The following CACNA1C variants were observed in gnomAD, a reference collection of about 807,000 sequenced individuals.
The protein encoded by CACNA1C is calcium voltage-gated channel subunit alpha1 C, also known as voltage-dependent L-type calcium channel subunit alpha-1C.
Under a neutral mutation model 229.0 loss-of-function variants are expected in CACNA1C, and 30 were observed. That is an observed-to-expected ratio of 0.13 (90% CI 0.10 to 0.18). CACNA1C has a LOEUF of 0.18. CACNA1C is among the 10% of genes least tolerant of loss of function. CACNA1C has a pLI of 1.00. For missense variants in CACNA1C, 1,658 were observed against 2,845.0 expected (o/e 0.58, Z 9.49); for synonymous variants, 1,114 against 1,132.5 (o/e 0.98, Z 0.33).
rs931603510 is a variant in CACNA1C at position 2,152,294 on chromosome 12, A to G, written c.477+31864A>G. On this transcript the variant is annotated intron_variant, in intron 3 of 46. Coordinates refer to ENST00000399655, the MANE Select transcript of CACNA1C (RefSeq NM_000719.7). This position sits in a 1 kb window ranked among gnomAD's most constrained non-coding sequence, Gnocchi z 4.2. The stretch of plus-strand genomic sequence containing the variant: ...GGCACATGACTGCTTAGAATGAAGA[A>G]CTACAGTTCTCATCCTCCCTTGTGG... Among the ~76,000 whole-genome samples the G allele has an allele frequency of 5.3e-5, 8 of 152,226 alleles. No individual in the cohort carries two copies. Among genetic ancestry groups the G allele is most frequent in the Non-Finnish European group, 1.0e-4 (7 of 68,038 alleles).
intron 3 of CACNA1C, among the ~76,000 whole-genome samples, chr12:2,349,181 G>A (rs1567177848): frequency 6.6e-6 from 1 of 152,208 alleles, no homozygotes; most frequent in Non-Finnish European, 1.5e-5. Flanking sequence ...CTAATAGCAT[G>A]TTCCCATGGA....
At chr12:1,974,685 C>A (rs564748506) in intron 1 of CACNA1C, among the ~76,000 whole-genome samples, 1 of 152,162 alleles carries the variant, frequency 6.6e-6, no homozygotes, top group South Asian at 2.1e-4. Context: ...ATATTCTAGT[C>A]GCGTTTGATA....
intron 5 of CACNA1C, among the ~76,000 whole-genome samples, chr12:2,463,794 T>G (rs966132397): frequency 6.6e-6 from 1 of 152,184 alleles, no homozygotes; most frequent in Non-Finnish European, 1.5e-5. Flanking sequence ...TTGAAAGATT[T>G]GGCCATTTGG....
intron 3 of CACNA1C, among the ~76,000 whole-genome samples, chr12:2,205,753 A>G (rs2097738104): frequency 6.6e-6 from 1 of 152,158 alleles, no homozygotes. Context: ...GGGGGACTAC[A>G]AAGACGGAAA....
chr12:2,038,290 C>T (rs73601563), intron 1 of CACNA1C, among the ~76,000 whole-genome samples: 7 of 152,036 alleles, frequency 4.6e-5, no homozygotes, highest in East Asian at 1.9e-4. Flanking sequence ...TCATAGAATT[C>T]GAGTCACGGT....
At chr12:2,066,755 G>A (rs1384233138) in intron 1 of CACNA1C, among the ~76,000 whole-genome samples, 1 of 152,128 alleles carries the variant, frequency 6.6e-6, no homozygotes, top group Non-Finnish European at 1.5e-5. Flanking sequence ...GGGGATGGGA[G>A]TGGAAGGCTC....
chr12:2,242,263 G>C (rs908246861), intron 3 of CACNA1C, among the ~76,000 whole-genome samples: 1 of 152,206 alleles, frequency 6.6e-6, no homozygotes, highest in South Asian at 2.1e-4. Flanking sequence ...ACAGGTGCAG[G>C]AGGAGTCTTC....
chr12:2,277,255 C>T (rs998873525), intron 3 of CACNA1C, among the ~76,000 whole-genome samples: 1 of 151,980 alleles, frequency 6.6e-6, no homozygotes. Context: ...CTGTCATTAA[C>T]AATTACTTCT....
At chr12:2,059,056 C>A (rs541766526) in intron 1 of CACNA1C, among the ~76,000 whole-genome samples, 1 of 152,148 alleles carries the variant, frequency 6.6e-6, no homozygotes, top group South Asian at 2.1e-4. Flanking sequence ...TCTACTGCCC[C>A]CTTTCCCCTG....
At position 2,106,322 on chromosome 12, in the gene CACNA1C, C is replaced by T. The variant is rs1292064582; in HGVS notation, c.50-8902C>T. ...GGGGCGTCCTGAAGCCACTGGGCAC[C>T]CACCCCGGGGAGGGTTTCCACCTCA... On this transcript the variant is annotated intron_variant, in intron 1 of 46. Transcript: ENST00000399655. Among the ~76,000 whole-genome samples the T allele has an allele frequency of 6.6e-5, 4 of 60,404 alleles. 1 individual carries two copies. Among genetic ancestry groups the T allele is most frequent in the East Asian group, 5.3e-4 (1 of 1,890 alleles). The allele number at this position is 60,404 out of a possible 152,430, so 39.6% of individuals were successfully genotyped here.
chr12:2,182,718 C>T (rs1477568170), intron 3 of CACNA1C, among the ~76,000 whole-genome samples: 6 of 152,036 alleles, frequency 3.9e-5, no homozygotes, highest in African/African-American at 7.2e-5. Context: ...CTGGGATGTG[C>T]GCCTGAGCAT....
chr12:2,601,480 C>G lies in CACNA1C; in HGVS notation c.2854-374C>G, dbSNP rs1161096963. ...GGAGAGGCAGTCGGGATGTGTGCTC[C>G]CAACCCGACAGCATCAGGAAAGGAC... is the stretch of plus-strand genomic sequence containing the variant. On this transcript the variant is annotated intron_variant, in intron 21 of 46. Coordinates refer to ENST00000399655, the MANE Select transcript of CACNA1C (RefSeq NM_000719.7). This position sits in a 1 kb window ranked among gnomAD's most constrained non-coding sequence, Gnocchi z 5.9. 6.6e-6 allele frequency among the ~76,000 whole-genome samples: 1 copy of G among 152,132 alleles called. No homozygotes were observed. The highest frequency in any genetic ancestry group is 1.5e-5 in the Non-Finnish European group (1 of 68,022).
intron 14 of CACNA1C, among the ~76,000 whole-genome samples, chr12:2,582,563 G>A (rs2060924275): frequency 1.3e-5 from 2 of 152,272 alleles, no homozygotes; most frequent in Non-Finnish European, 1.5e-5. Context: ...GCATGTGTGG[G>A]GAAAGTCAGA....
At chr12:2,300,122 A>G (rs559795971) in intron 3 of CACNA1C, among the ~76,000 whole-genome samples, 1 of 152,366 alleles carries the variant, frequency 6.6e-6, no homozygotes, top group Admixed American at 6.5e-5. Flanking sequence ...TTGGTTTTAA[A>G]CTTGTATCTG....
chr12:2,606,412 T>C (rs2075372954), intron 24 of CACNA1C, among the ~76,000 whole-genome samples, 199 bp from the exon 25 acceptor site: 1 of 152,048 alleles, frequency 6.6e-6, no homozygotes, highest in African/African-American at 2.4e-5. Flanking sequence ...TGTTTTTGCA[T>C]TGCAGTGCTA....
intron 7 of CACNA1C, among the ~76,000 whole-genome samples, chr12:2,500,402 G>T (rs532854705): frequency 3.9e-5 from 6 of 152,314 alleles, no homozygotes; most frequent in South Asian, 2.1e-4. Context: ...AGGCGCGTGG[G>T]TTTGTGTGGC....
At chr12:2,227,218 G>GA (rs1449068933) in intron 3 of CACNA1C, among the ~76,000 whole-genome samples, 7 of 152,114 alleles carry the variant, frequency 4.6e-5, no homozygotes, top group Non-Finnish European at 1.0e-4. Flanking sequence ...CAACTTTCTG[G>GA]AAAAATGGTT....
chr12:2,357,790 C>T (rs552359509), intron 3 of CACNA1C, among the ~76,000 whole-genome samples: 5 of 151,344 alleles, frequency 3.3e-5, no homozygotes, highest in Admixed American at 1.3e-4. Context: ...GGCCAACATG[C>T]GGAAACCCCG....
chr12:2,228,421 C>T (rs932183676), intron 3 of CACNA1C, among the ~76,000 whole-genome samples: 3 of 152,206 alleles, frequency 2.0e-5, no homozygotes, highest in African/African-American at 7.2e-5. Flanking sequence ...CTCCAAATGT[C>T]CTGATCTGAA....
Sources: allele counts gnomAD v4.1 joint callset (sites outside exome capture counted in the v4.1 genomes callset), GRCh38; gene constraint gnomAD v4.1.1; non-coding constraint Gnocchi (gnomAD v3.1); transcripts MANE v1.5; gene names NCBI Gene and HGNC (gene_info 2026-07-23, HGNC 2026-07-21).